The following CDHR3 variants were observed in gnomAD, a reference collection of about 807,000 sequenced individuals.
The protein encoded by CDHR3 is cadherin-related family member 3.
A neutral mutation model predicts 86.6 loss-of-function variants in CDHR3; 79 were observed. That is an observed-to-expected ratio of 0.91 (90% CI 0.76 to 1.10). CDHR3 has a LOEUF of 1.10. Among genes scored for constraint, CDHR3 ranks in the 50% least tolerant of loss-of-function variants. The probability of loss-of-function intolerance (pLI) is 0.00; values close to 1 mark genes in which losing one functional copy is unlikely to be tolerated. For missense variants in CDHR3, 1,081 were observed against 1,077.6 expected (o/e 1.00, Z -0.04); for synonymous variants, 421 against 402.4 (o/e 1.05, Z -0.55).
chr7:105,990,849 C>G (rs568774438), intron 4 of CDHR3, among the ~76,000 whole-genome samples: 6 of 152,302 alleles, frequency 3.9e-5, no homozygotes, highest in African/African-American at 1.4e-4. Flanking sequence ...GCTGACATTT[C>G]TGGAAACTGG....
At chr7:105,989,737 G>A (rs1035637488) in intron 4 of CDHR3, among the ~76,000 whole-genome samples, 2 of 152,270 alleles carry the variant, frequency 1.3e-5, no homozygotes, top group East Asian at 3.9e-4. Context: ...GGATGAGGGA[G>A]GGAACTGAGG....
chr7:105,991,255 G>A (rs910509471), intron 4 of CDHR3, among the ~76,000 whole-genome samples: 2 of 152,196 alleles, frequency 1.3e-5, no homozygotes, highest in Non-Finnish European at 2.9e-5. Context: ...GAGCCTTGCT[G>A]AGTCGCTGGC....
intron 9 of CDHR3, among the ~76,000 whole-genome samples, chr7:106,014,181 C>T (rs1054952551): frequency 2.6e-5 from 4 of 152,072 alleles, no homozygotes; most frequent in African/African-American, 9.7e-5. Flanking sequence ...GGCAATCCTC[C>T]CACCTCCACC....
intron 17 of CDHR3, among the ~76,000 whole-genome samples, chr7:106,029,543 C>CCTCTCTCT (rs200247045): frequency 4.1e-5 from 4 of 96,512 alleles, no homozygotes; most frequent in Non-Finnish European, 9.9e-5. Flanking sequence ...CTCTCCTCCA[C>CCTCTCTCT]CTCTGTCTCT....
chr7:105,990,849 C>T (rs568774438), intron 4 of CDHR3, among the ~76,000 whole-genome samples: 16 of 152,184 alleles, frequency 1.1e-4, no homozygotes, highest in Non-Finnish European at 2.1e-4. Context: ...GCTGACATTT[C>T]TGGAAACTGG....
intron 5 of CDHR3, among the ~76,000 whole-genome samples, chr7:105,995,168 C>G (rs1328275336): frequency 6.6e-6 from 1 of 152,194 alleles, no homozygotes; most frequent in African/African-American, 2.4e-5. Flanking sequence ...CAGGTTTTCA[C>G]TGATGCTACT....
chr7:106,034,488 A>G lies in CDHR3; in HGVS notation c.*1791A>G, dbSNP rs1028159817. Among the ~76,000 whole-genome samples, 4 of 152,222 alleles carry G rather than the reference A, an allele frequency of 2.6e-5. No homozygotes were observed. Among genetic ancestry groups the G allele is most frequent in the Non-Finnish European group, 4.4e-5 (3 of 68,032 alleles). Reference sequence around the variant, plus strand: ...TGCCTAGTGCCAGTGTCACTTCTCAAGCAAAAGAAGCATTTGCAAAATGCC... The same window carrying G: ...TGCCTAGTGCCAGTGTCACTTCTCAGGCAAAAGAAGCATTTGCAAAATGCC... On this transcript the variant is annotated 3_prime_UTR_variant, in exon 19 of 19. Coordinates refer to ENST00000317716, the MANE Select transcript of CDHR3 (RefSeq NM_152750.5).
chr7:106,027,698 G>C (rs199721920), intron 16 of CDHR3: 11 of 452,080 alleles, frequency 2.4e-5, no homozygotes, highest in Non-Finnish European at 4.9e-5. Flanking sequence ...TCCATCTACA[G>C]GCATGTGTCT....
chr7:105,974,059 G>C lies in CDHR3; in HGVS notation c.47-785G>C, dbSNP rs1055960092. 4.6e-5 allele frequency among the ~76,000 whole-genome samples: 7 copies of C among 152,346 alleles called. No homozygotes were observed. The East Asian group carries it at 1.2e-3, about 25-fold the overall frequency. On this transcript the variant is annotated intron_variant, in intron 1 of 18. Coordinates refer to ENST00000317716, the MANE Select transcript of CDHR3 (RefSeq NM_152750.5). Reference sequence around the variant, plus strand: ...AGTAATTATCATTATGGAAGGCTGAGAGAATACAGCTTGTTCCTTTTCTCT... The same window carrying C: ...AGTAATTATCATTATGGAAGGCTGACAGAATACAGCTTGTTCCTTTTCTCT...
chr7:105,985,835 C>T (rs985083998), intron 4 of CDHR3, among the ~76,000 whole-genome samples: 4 of 152,152 alleles, frequency 2.6e-5, no homozygotes, highest in Non-Finnish European at 5.9e-5. Flanking sequence ...ATGTGTTTGT[C>T]TGCAAATAAC....
intron 8 of CDHR3, among the ~76,000 whole-genome samples, chr7:106,009,078 C>T (rs1277564974): frequency 6.6e-6 from 1 of 152,210 alleles, no homozygotes; most frequent in Non-Finnish European, 1.5e-5. Context: ...CAAGACCAAA[C>T]AGAGTCCTGC....
chr7:106,028,025 A>T (rs1270719340), intron 16 of CDHR3, among the ~76,000 whole-genome samples: 2 of 151,914 alleles, frequency 1.3e-5, no homozygotes, highest in African/African-American at 4.8e-5. Flanking sequence ...TACTGGGGAG[A>T]TAGCTGAGAG....
chr7:105,968,506 A>G (rs1827344484), intron 1 of CDHR3, among the ~76,000 whole-genome samples: 1 of 152,006 alleles, frequency 6.6e-6, no homozygotes, highest in Non-Finnish European at 1.5e-5. Context: ...GATTACAGGC[A>G]GCTGCCACCA....
chr7:106,028,995 T>TCTTTCTTTCTTTCTTTCTTTCTTTC (rs71155497), intron 17 of CDHR3, among the ~76,000 whole-genome samples: 1 of 148,926 alleles, frequency 6.7e-6, no homozygotes. Context: ...TTTCTTTCTT[T>TCTTTCTTTCTTTCTTTCTTTCTTTC]TTAAGACACA....
chr7:105,980,607 A>ATTTTTTTTTTTTTTTT (rs35517726), intron 2 of CDHR3, among the ~76,000 whole-genome samples: 1 of 98,524 alleles, frequency 1.0e-5, no homozygotes, highest in Non-Finnish European at 2.0e-5. Flanking sequence ...TTTTTTTTTA[A>ATTTTTTTTTTTTTTTT]TTTTTTTTTT....
At chr7:106,028,040 A>G (rs1278764053) in intron 16 of CDHR3, among the ~76,000 whole-genome samples, 3 of 151,982 alleles carry the variant, frequency 2.0e-5, no homozygotes, top group East Asian at 1.9e-4. Context: ...TGAGAGGATC[A>G]CTTGAGCTCA....
At chr7:105,984,322 G>T in intron 4 of CDHR3, 33 bp downstream of exon 4, 2 of 1,551,664 alleles carry the variant, frequency 1.3e-6, no homozygotes, top group Non-Finnish European at 1.8e-6. Flanking sequence ...GGTGGTGTTT[G>T]TCCGTGTTGG....
chr7:106,019,185 C>T (rs561935159), intron 12 of CDHR3, among the ~76,000 whole-genome samples: 1 of 152,230 alleles, frequency 6.6e-6, no homozygotes, highest in South Asian at 2.1e-4. Context: ...CCCAATTTTC[C>T]GAGGGAGTCT....
At chr7:105,972,382 G>A (rs961849130) in intron 1 of CDHR3, among the ~76,000 whole-genome samples, 27 of 152,280 alleles carry the variant, frequency 1.8e-4, no homozygotes, top group African/African-American at 6.5e-4. Context: ...AACTTTGCTT[G>A]TTGCCTGGAG....
Sources: gnomAD v4.1 joint callset for allele counts (sites outside exome capture counted in the v4.1 genomes callset) on GRCh38, gnomAD v4.1.1 for gene constraint, MANE v1.5 for transcripts, NCBI Gene and HGNC (gene_info 2026-07-23, HGNC 2026-07-21) for gene names.